NBEA: variants seen among roughly 807,000 people sequenced by gnomAD.
NBEA encodes neurobeachin.
NBEA carries 44 observed loss-of-function variants against 343.4 expected under a neutral mutation model. The ratio of observed to expected loss-of-function variants is 0.13; its 90% CI spans 0.10 to 0.16. The LOEUF is 0.16. NBEA is among the 10% of genes least tolerant of loss of function. NBEA has a pLI of 1.00. For missense variants in NBEA, 2,555 were observed against 3,631.3 expected, an observed-to-expected ratio of 0.70 and a Z score of 7.62; for synonymous variants, 1,175 against 1,238.7, an observed-to-expected ratio of 0.95 and a Z score of 1.08.
chr13:35,456,189 G>A (rs1392218232), intron 40 of NBEA, among the ~76,000 whole-genome samples: 2 of 151,854 alleles, frequency 1.3e-5, no homozygotes, highest in African/African-American at 4.8e-5. Context: ...GAGTTTTCTA[G>A]TTTTAATAAA....
chr13:35,139,753 T>TG (rs1290418837), intron 17 of NBEA, among the ~76,000 whole-genome samples: 1 of 143,522 alleles, frequency 7.0e-6, no homozygotes, highest in African/African-American at 2.6e-5. Context: ...CGTTTTTTTT[T>TG]TTTTTTTTTT....
chr13:35,095,170 G>A (rs540323157), intron 10 of NBEA, among the ~76,000 whole-genome samples: 1 of 151,540 alleles, frequency 6.6e-6, no homozygotes, highest in South Asian at 2.1e-4. Flanking sequence ...AATAATATAA[G>A]TACCTCAAAG....
chr13:35,435,432 A>G (rs2045372295), intron 39 of NBEA, among the ~76,000 whole-genome samples: 1 of 152,132 alleles, frequency 6.6e-6, no homozygotes, highest in Non-Finnish European at 1.5e-5. Flanking sequence ...GTACTTAGAC[A>G]GGAATGTTCT....
At chr13:34,976,213 T>C (rs1309141292) in intron 1 of NBEA, among the ~76,000 whole-genome samples, 1 of 152,142 alleles carries the variant, frequency 6.6e-6, no homozygotes, top group African/African-American at 2.4e-5. Flanking sequence ...AAAAATGTGG[T>C]GCATAAATAC....
At chr13:35,030,527 CTA>C (rs1315768737) in intron 1 of NBEA, among the ~76,000 whole-genome samples, 4 of 151,554 alleles carry the variant, frequency 2.6e-5, no homozygotes, top group Non-Finnish European at 4.4e-5. Flanking sequence ...CAGTTTCTTT[CTA>C]TGAGGATAAT....
chr13:35,440,475 G>A (rs762767418), intron 39 of NBEA, among the ~76,000 whole-genome samples: 2 of 152,082 alleles, frequency 1.3e-5, no homozygotes, highest in Non-Finnish European at 2.9e-5. Flanking sequence ...AAAGAGGGTC[G>A]CCTAACTGAA....
chr13:35,044,335 A>G (rs1371179509), intron 2 of NBEA, among the ~76,000 whole-genome samples: 1 of 152,170 alleles, frequency 6.6e-6, no homozygotes. Flanking sequence ...AAAGGGGATA[A>G]TAATGGTACT....
Position 35,663,803 on chromosome 13 carries a change from C to T in NBEA, c.8363-1282C>T, listed in dbSNP as rs1029565873. 2.6e-5 allele frequency among the ~76,000 whole-genome samples: 4 copies of T among 152,100 alleles called. No individual in the cohort carries two copies. The East Asian group carries it at 7.7e-4, about 29-fold the overall frequency. On this transcript the variant is annotated intron_variant, in intron 55 of 58. Transcript: ENST00000379939. The stretch of plus-strand genomic sequence containing the variant: ...ATGGACACTCTACCAATAGTCAAAA[C>T]ACATTATAGCAATATCCATGTATTC...
intron 41 of NBEA, among the ~76,000 whole-genome samples, chr13:35,485,728 A>C (rs2076282944): frequency 6.6e-6 from 1 of 152,098 alleles, no homozygotes. Context: ...CAACCAGATT[A>C]CCTTTCTTCA....
intron 41 of NBEA, among the ~76,000 whole-genome samples, chr13:35,547,856 TC>T (rs1295487263): frequency 6.6e-6 from 1 of 151,630 alleles, no homozygotes; most frequent in African/African-American, 2.4e-5. Context: ...GCCACTGCAC[TC>T]CAGTCTGGGT....
At chr13:35,492,507 C>G (rs2076538176) in intron 41 of NBEA, among the ~76,000 whole-genome samples, 2 of 151,906 alleles carry the variant, frequency 1.3e-5, no homozygotes, top group African/African-American at 2.4e-5. Context: ...ATGGAGGTCT[C>G]TCTATCTCCA....
chr13:35,151,361 T>G (rs1212734663), intron 18 of NBEA, among the ~76,000 whole-genome samples: 1 of 151,818 alleles, frequency 6.6e-6, no homozygotes, highest in Non-Finnish European at 1.5e-5. Context: ...CTGACCAACA[T>G]GGAGAAACCC....
chr13:35,093,416 T>C (rs943846639), intron 10 of NBEA, among the ~76,000 whole-genome samples: 5 of 152,054 alleles, frequency 3.3e-5, no homozygotes, highest in Non-Finnish European at 7.4e-5. Context: ...GCCTAAGTAT[T>C]AAAGAATTGT....
chr13:35,334,390 C>T (rs2152851362), intron 36 of NBEA, among the ~76,000 whole-genome samples: 1 of 152,238 alleles, frequency 6.6e-6, no homozygotes, highest in South Asian at 2.1e-4. Flanking sequence ...CTGCCTCAGC[C>T]TCCTGAGTAG....
chr13:35,474,727 C>A, intron 41 of NBEA: 1 of 237,692 alleles, frequency 4.2e-6, no homozygotes, highest in Non-Finnish European at 8.2e-6. Context: ...TGCTATAATC[C>A]TTTGATAGTT....
intron 34 of NBEA, among the ~76,000 whole-genome samples, chr13:35,247,175 G>T (rs2031333873): frequency 6.6e-6 from 1 of 152,156 alleles, no homozygotes; most frequent in Admixed American, 6.5e-5. Flanking sequence ...CAGGCAGTGG[G>T]TGAGCAGGGC....
chr13:35,385,635 C>T (rs773201602), intron 38 of NBEA, among the ~76,000 whole-genome samples: 5 of 151,902 alleles, frequency 3.3e-5, no homozygotes, highest in East Asian at 3.9e-4. Flanking sequence ...CCCAGGAGTA[C>T]GAGGCTGCAG....
In NBEA at chr13:35,615,690, T is replaced by G. The variant is rs1344764540; in HGVS notation, c.7449+9112T>G. On this transcript the variant is annotated intron_variant, in intron 48 of 58. Coordinates refer to ENST00000379939, the MANE Select transcript of NBEA (RefSeq NM_001385012.1). Reference sequence around the variant, plus strand: ...GCCAAATACCACCACCTTATCAAGGTGTCAGTGTTCTTATTCACAGTCTCC... The same window carrying G: ...GCCAAATACCACCACCTTATCAAGGGGTCAGTGTTCTTATTCACAGTCTCC... Among the ~76,000 whole-genome samples, 7 of 152,118 alleles carry G rather than the reference T, an allele frequency of 4.6e-5. No homozygotes were observed. The South Asian group carries it at 1.5e-3, about 32-fold the overall frequency.
At chr13:35,568,295 T>C (rs899085723) in intron 45 of NBEA, among the ~76,000 whole-genome samples, 5 of 152,176 alleles carry the variant, frequency 3.3e-5, no homozygotes, top group Admixed American at 2.0e-4. Context: ...TGTGGTATTA[T>C]AGATGTTAAA....
Sources: gnomAD v4.1 joint callset for allele counts (sites outside exome capture counted in the v4.1 genomes callset) on GRCh38, gnomAD v4.1.1 for gene constraint, MANE v1.5 for transcripts, NCBI Gene and HGNC (gene_info 2026-07-23, HGNC 2026-07-21) for gene names.